MTCH2: variants seen among roughly 807,000 people sequenced by gnomAD.
MTCH2 encodes the protein mitochondrial carrier 2, also known as mitochondrial carrier homolog 2.
Under a neutral mutation model 50.6 loss-of-function variants are expected in MTCH2, and 25 were observed. The observed-to-expected ratio is 0.49, with a 90% CI of 0.36 to 0.69. MTCH2 has a LOEUF of 0.69. Among genes scored for constraint, MTCH2 ranks in the 30% least tolerant of loss-of-function variants. The pLI, the probability that MTCH2 is intolerant of heterozygous loss-of-function variation, is 0.00. For synonymous variants in MTCH2, 106 were observed against 132.0 expected (o/e 0.80, Z 1.35); for missense variants, 273 against 384.4 (o/e 0.71, Z 2.42).
chr11:47,633,224 C>T (rs963110839), intron 5 of MTCH2, among the ~76,000 whole-genome samples: 1 of 150,834 alleles, frequency 6.6e-6, no homozygotes. Context: ...ATGCTCTTGC[C>T]TCAGCCTCCC....
At chr11:47,633,114 C>T (rs149672746) in intron 5 of MTCH2, among the ~76,000 whole-genome samples, 4 of 134,562 alleles carry the variant, frequency 3.0e-5, no homozygotes, top group South Asian at 4.6e-4. Flanking sequence ...TGTATCCCTG[C>T]TTTTTTTTTT....
rs749728567 is a variant in MTCH2 at position 47,642,485 on chromosome 11, C to T, written c.-20G>A. On this transcript the variant is annotated 5_prime_UTR_variant, in exon 1 of 13. Transcript: ENST00000302503. ...CGCCATGATGGCACCCGCGGGCGGA[C>T]GGACAGACAGACGGAGCCACCAAGC... The T allele has an allele frequency of 4.1e-6, 6 of 1,470,756 alleles. No individual in the cohort carries two copies. The South Asian group carries it at 6.3e-5, about 15-fold the overall frequency. 91.1% of individuals were successfully genotyped at this position (1,470,756 alleles called of 1,614,324 possible).
intron 5 of MTCH2, among the ~76,000 whole-genome samples, chr11:47,632,647 C>T (rs563824676): frequency 2.0e-5 from 3 of 152,030 alleles, no homozygotes; most frequent in African/African-American, 2.4e-5. Context: ...CATGAGCCAC[C>T]GTGCCTGGCC....
chr11:47,630,520 A>T (rs191034057), intron 8 of MTCH2, 35 bp downstream of exon 8: 1 of 1,547,262 alleles, frequency 6.5e-7, no homozygotes, highest in Admixed American at 1.7e-5. Flanking sequence ...TTTCCCACTC[A>T]TGCAAAAATT....
chr11:47,610,138 C>G, the MTCH2 span, among the ~76,000 whole-genome samples: 1 of 152,182 alleles, frequency 6.6e-6, no homozygotes, highest in East Asian at 1.9e-4. Context: ...TAGGAGGCAG[C>G]TGACTTTGTT....
chr11:47,621,740 T>G (rs1186557411), intron 12 of MTCH2, among the ~76,000 whole-genome samples: 2 of 152,060 alleles, frequency 1.3e-5, no homozygotes, highest in African/African-American at 4.8e-5. Context: ...TGGCCTGTAG[T>G]TTTTTGTTAA....
intron 3 of MTCH2, among the ~76,000 whole-genome samples, chr11:47,636,130 GA>G (rs963428316): frequency 1.1e-4 from 16 of 140,672 alleles, no homozygotes; most frequent in African/African-American, 2.1e-4. Context: ...TCCGTCTCAA[GA>G]AAAAAAAAAA....
intron 12 of MTCH2, among the ~76,000 whole-genome samples, chr11:47,620,492 A>G (rs1320821601): frequency 6.6e-6 from 1 of 151,894 alleles, no homozygotes; most frequent in Non-Finnish European, 1.5e-5. Context: ...AAAACAAAAC[A>G]AAACAAAAAA....
downstream of MTCH2, among the ~76,000 whole-genome samples, chr11:47,616,690 T>C (rs987979960): frequency 2.0e-5 from 3 of 151,392 alleles, no homozygotes; most frequent in African/African-American, 4.9e-5. Context: ...TTCTTTTTTT[T>C]TTTTTTAAGA....
At chr11:47,609,770 T>C in the MTCH2 span, among the ~76,000 whole-genome samples, 2 of 152,170 alleles carry the variant, frequency 1.3e-5, no homozygotes, top group East Asian at 3.9e-4. Context: ...TGGTCAAAGA[T>C]GGTAGAACTC....
chr11:47,627,925 G>A (rs1340824761), intron 9 of MTCH2, among the ~76,000 whole-genome samples: 2 of 152,152 alleles, frequency 1.3e-5, no homozygotes, highest in East Asian at 1.9e-4. Flanking sequence ...GAATGTAAAA[G>A]GATTTCAAAT....
chr11:47,634,629 G>C lies in MTCH2; in HGVS notation c.369+43C>G, dbSNP rs758781130. Reference sequence around the variant, plus strand: ...CTGATTCCATAGTTGCAACACCACAGTTTGATCTGGGCAAACAGCACAGGA... The same window carrying C: ...CTGATTCCATAGTTGCAACACCACACTTTGATCTGGGCAAACAGCACAGGA... On this transcript the variant is annotated intron_variant, in intron 5 of 12. Transcript: ENST00000302503. 1.5e-5 allele frequency: 22 copies of C among 1,490,612 alleles called. No individual in the cohort carries two copies. The South Asian group carries it at 2.6e-4, about 18-fold the overall frequency. The allele number at this position is 1,490,612 out of a possible 1,614,324, so 92.3% of individuals were successfully genotyped here. A position where few individuals can be genotyped will look rare whatever the true frequency, so the allele number is the denominator to read the frequency against.
the MTCH2 span, among the ~76,000 whole-genome samples, chr11:47,608,672 A>G: frequency 6.6e-6 from 1 of 152,088 alleles, no homozygotes; most frequent in African/African-American, 2.4e-5. Flanking sequence ...AGGTCAAGAA[A>G]TCTTGGCCGA....
intron 3 of MTCH2, among the ~76,000 whole-genome samples, chr11:47,637,172 T>C (rs1052567846): frequency 6.6e-6 from 1 of 152,114 alleles, no homozygotes. Flanking sequence ...GTATTTTTAG[T>C]AGAGACAGTG....
chr11:47,628,917 C>A (rs2097300502), intron 9 of MTCH2, 36 bp downstream of exon 9: 6 of 1,576,314 alleles, frequency 3.8e-6, no homozygotes, highest in Non-Finnish European at 5.2e-6. Context: ...CAGATTAAAG[C>A]CAAGGTGAGC....
At chr11:47,606,227 A>G in the MTCH2 span, among the ~76,000 whole-genome samples, 3 of 152,126 alleles carry the variant, frequency 2.0e-5, no homozygotes, top group Non-Finnish European at 4.4e-5. Flanking sequence ...TGTTTTGCTG[A>G]ACTCTTCCCA....
chr11:47,633,526 A>ATATATATATTTTTTT (rs1378774715), intron 5 of MTCH2, among the ~76,000 whole-genome samples: 3 of 35,070 alleles, frequency 8.6e-5, no homozygotes, highest in Non-Finnish European at 5.9e-5. Flanking sequence ...ATATATATAT[A>ATATATATATTTTTTT]TTTTTTTTTT....
chr11:47,617,080 C>G (rs2097288874), downstream of MTCH2, among the ~76,000 whole-genome samples: 1 of 152,162 alleles, frequency 6.6e-6, no homozygotes, highest in South Asian at 2.1e-4. Flanking sequence ...TATGGAGGAT[C>G]ATAGGTATAG....
chr11:47,628,955 C>T lies in MTCH2; in HGVS notation c.631G>A (p.Gly211Arg). Residue 211 changes from glycine (G) to arginine (R), a missense_variant and splice_region_variant, in exon 9 of 13, where the codon GGG becomes AGG. By Grantham distance (125) the Gly-to-Arg change is moderately radical. Transcript: ENST00000302503. Reference sequence around the variant, plus strand: ...ATCTCACGAAGGTCACAACCTACCCCACTGTCCAGTGCATAGGTATTGACG... The same window carrying T: ...ATCTCACGAAGGTCACAACCTACCCTACTGTCCAGTGCATAGGTATTGACG... Reference protein sequence around the residue: ...YLVNTYALDSGVSTMNEMKSY... With the variant: ...YLVNTYALDSRVSTMNEMKSY... 3 of 1,612,964 alleles carry T rather than the reference C, an allele frequency of 1.9e-6. No homozygotes were observed. The highest frequency in any genetic ancestry group is 2.2e-5 in the South Asian group (2 of 91,028).
Sources: allele counts gnomAD v4.1 joint callset (sites outside exome capture counted in the v4.1 genomes callset), GRCh38; gene constraint gnomAD v4.1.1; transcripts MANE v1.5; gene names NCBI Gene and HGNC (gene_info 2026-07-23, HGNC 2026-07-21).